Variants in ANKS1B observed in about 807,000 individuals in gnomAD.
ANKS1B encodes ankyrin repeat and sterile alpha motif domain-containing protein 1B.
A neutral mutation model predicts 148.3 loss-of-function variants in ANKS1B; 36 were observed. That is an observed-to-expected ratio of 0.24 (90% CI 0.19 to 0.32). The LOEUF (loss-of-function observed/expected upper bound fraction) is 0.32. Ranked by LOEUF, ANKS1B falls within the 10% of genes least tolerant of loss-of-function variation. The pLI is 1.00. For synonymous variants in ANKS1B, 542 were observed against 560.8 expected, an observed-to-expected ratio of 0.97 and a Z score of 0.47; for missense variants, 1,157 against 1,542.6, an observed-to-expected ratio of 0.75 and a Z score of 4.19.
intron 17 of ANKS1B, among the ~76,000 whole-genome samples, chr12:98,914,640 C>T (rs947316581): frequency 1.3e-5 from 2 of 152,148 alleles, no homozygotes; most frequent in African/African-American, 4.8e-5. Context: ...CACTGGCCTC[C>T]CTTCACTGTT....
intron 17 of ANKS1B, among the ~76,000 whole-genome samples, chr12:98,991,817 T>G (rs1030845513): frequency 1.3e-5 from 2 of 152,252 alleles, no homozygotes; most frequent in Non-Finnish European, 2.9e-5. Context: ...AACACTCATC[T>G]TTACTGGCTA....
intron 10 of ANKS1B, among the ~76,000 whole-genome samples, chr12:99,488,434 G>T (rs996982732): frequency 1.4e-4 from 21 of 152,000 alleles, no homozygotes; most frequent in African/African-American, 5.1e-4. Context: ...TATTGGTTTC[G>T]AAGATATATT....
chr12:99,876,461 G>A (rs545863495), intron 1 of ANKS1B, among the ~76,000 whole-genome samples: 5 of 152,220 alleles, frequency 3.3e-5, no homozygotes, highest in Non-Finnish European at 2.9e-5. Context: ...AGTGGCTCAC[G>A]CCTGTAATCC....
chr12:99,766,902 A>G (rs1021900379), intron 8 of ANKS1B, among the ~76,000 whole-genome samples: 1 of 152,056 alleles, frequency 6.6e-6, no homozygotes, highest in African/African-American at 2.4e-5. Context: ...TGCATTCCTG[A>G]TAATAAGCTC....
downstream of ANKS1B, among the ~76,000 whole-genome samples, chr12:98,740,672 A>AATC (rs2097793995): frequency 1.3e-5 from 2 of 152,170 alleles, no homozygotes; most frequent in African/African-American, 2.4e-5. Context: ...CGCAATATCC[A>AATC]ATCTCCCCCT....
chr12:98,781,311 A>G, intron 23 of ANKS1B, 108 bp from the exon 24 acceptor site: 1 of 680,240 alleles, frequency 1.5e-6, no homozygotes, highest in South Asian at 1.5e-5. Context: ...AAAAACAACA[A>G]CAACACACAC....
At chr12:99,257,168 C>T (rs546606584) in intron 12 of ANKS1B, among the ~76,000 whole-genome samples, 7 of 151,968 alleles carry the variant, frequency 4.6e-5, no homozygotes, top group Middle Eastern at 6.8e-3. Flanking sequence ...GGCGTGAACC[C>T]GGGAGGCGGA....
intron 11 of ANKS1B, among the ~76,000 whole-genome samples, chr12:99,419,740 C>T (rs1476772840): frequency 1.3e-5 from 2 of 152,130 alleles, no homozygotes; most frequent in Admixed American, 1.3e-4. Context: ...AAAATCATAT[C>T]TTACTGCAGC....
At chr12:99,728,013 C>T (rs777734446) in intron 8 of ANKS1B, among the ~76,000 whole-genome samples, 8 of 152,046 alleles carry the variant, frequency 5.3e-5, no homozygotes, top group Non-Finnish European at 1.2e-4. Flanking sequence ...AATGTAAAAC[C>T]CAAAACCATA....
At chr12:99,722,955 G>C (rs1221407094) in intron 8 of ANKS1B, among the ~76,000 whole-genome samples, 1 of 152,220 alleles carries the variant, frequency 6.6e-6, no homozygotes, top group Admixed American at 6.5e-5. Context: ...CGCCAAGGGA[G>C]GTGATGAGTG....
intron 1 of ANKS1B, among the ~76,000 whole-genome samples, chr12:99,881,118 C>T (rs1190164948): frequency 2.0e-5 from 3 of 152,262 alleles, no homozygotes; most frequent in African/African-American, 7.2e-5. Flanking sequence ...GGTGTCTACA[C>T]CTGGTACACC....
At chr12:99,911,501 A>G (rs961320285) in intron 1 of ANKS1B, among the ~76,000 whole-genome samples, 17 of 152,168 alleles carry the variant, frequency 1.1e-4, no homozygotes, top group Non-Finnish European at 5.9e-5. Flanking sequence ...TGCTTTCTTT[A>G]TTTTCTGCCC....
At chr12:99,911,385 G>A (rs931039970) in intron 1 of ANKS1B, among the ~76,000 whole-genome samples, 1 of 152,096 alleles carries the variant, frequency 6.6e-6, no homozygotes, top group Non-Finnish European at 1.5e-5. Flanking sequence ...CATGGAAATT[G>A]GAATAGAAAT....
chr12:99,933,282 TTA>T (rs1163201989), intron 1 of ANKS1B, among the ~76,000 whole-genome samples: 1 of 152,200 alleles, frequency 6.6e-6, no homozygotes, highest in Non-Finnish European at 1.5e-5. Context: ...GGATTATTTT[TTA>T]TGTTTCTGTG....
chr12:99,327,418 ATT>A (rs902381428), intron 12 of ANKS1B, among the ~76,000 whole-genome samples: 18 of 133,580 alleles, frequency 1.3e-4, no homozygotes, highest in African/African-American at 5.0e-4. Context: ...ATAATTATAT[ATT>A]ATATTGTCTA....
intron 9 of ANKS1B, among the ~76,000 whole-genome samples, chr12:99,526,821 C>T (rs1030381368): frequency 2.0e-5 from 3 of 152,078 alleles, no homozygotes; most frequent in Non-Finnish European, 4.4e-5. Flanking sequence ...AAGTCCTAAC[C>T]CCAGTACATA....
intron 15 of ANKS1B, among the ~76,000 whole-genome samples, chr12:99,131,151 C>T (rs922781573): frequency 2.0e-5 from 3 of 152,216 alleles, no homozygotes; most frequent in Non-Finnish European, 4.4e-5. Flanking sequence ...ATTCTTCCTT[C>T]TGCCTGTCCA....
At chr12:99,764,447 A>T (rs1428708151) in intron 8 of ANKS1B, among the ~76,000 whole-genome samples, 1 of 152,156 alleles carries the variant, frequency 6.6e-6, no homozygotes, top group African/African-American at 2.4e-5. Flanking sequence ...TTAGAGACAG[A>T]GTTTCACTCT....
intron 9 of ANKS1B, chr12:99,648,018 C>G (rs1205453548): frequency 2.0e-6 from 2 of 1,009,586 alleles, no homozygotes; most frequent in Non-Finnish European, 2.8e-6. Context: ...ATACCCCACC[C>G]TCCCTGTTCT....
Sources: allele counts gnomAD v4.1 joint callset (sites outside exome capture counted in the v4.1 genomes callset), GRCh38; gene constraint gnomAD v4.1.1; transcripts MANE v1.5; gene names NCBI Gene and HGNC (gene_info 2026-07-23, HGNC 2026-07-21).